Variants in BPNT2 observed in about 807,000 individuals in gnomAD.
BPNT2 encodes the protein Golgi-resident adenosine 3',5'-bisphosphate 3'-phosphatase.
Under a neutral mutation model 29.3 loss-of-function variants are expected in BPNT2, and 11 were observed. The ratio of observed to expected loss-of-function variants is 0.38; its 90% CI spans 0.24 to 0.62. The LOEUF (loss-of-function observed/expected upper bound fraction) is 0.62, where lower values mean the gene tolerates loss of function less well. Ranked by LOEUF, BPNT2 falls within the 20% of genes least tolerant of loss-of-function variation. The pLI is 0.62. For synonymous variants in BPNT2, 195 were observed against 187.7 expected (o/e 1.04, Z -0.32); for missense variants, 459 against 473.4 (o/e 0.97, Z 0.28).
At chr8:56,979,909 T>C in intron 2 of BPNT2, 126 bp downstream of exon 2, 1 of 832,568 alleles carries the variant, frequency 1.2e-6, no homozygotes, top group Admixed American at 2.0e-5. Context: ...ATTTTGCTAC[T>C]ACTGTTAAAA....
intron 3 of BPNT2, among the ~76,000 whole-genome samples, chr8:56,975,351 T>C (rs563347116): frequency 1.4e-4 from 21 of 152,318 alleles, no homozygotes; most frequent in Admixed American, 1.2e-3. Flanking sequence ...AGATTTACAC[T>C]GTGTGTAGCT....
At chr8:56,978,206 A>G (rs1806178160) in intron 2 of BPNT2, 61 bp from the exon 3 acceptor site, 1 of 1,028,094 alleles carries the variant, frequency 9.7e-7, no homozygotes, top group Admixed American at 1.7e-5. Flanking sequence ...TAAATTCAAG[A>G]TACAATATTA....
At chr8:56,974,753 T>G (rs1806104759) in intron 3 of BPNT2, among the ~76,000 whole-genome samples, 1 of 152,202 alleles carries the variant, frequency 6.6e-6, no homozygotes, top group Non-Finnish European at 1.5e-5. Context: ...AAAGACATTT[T>G]TAGAAACCAC....
chr8:56,967,687 A>T (rs780848161), intron 3 of BPNT2, among the ~76,000 whole-genome samples: 15 of 152,088 alleles, frequency 9.9e-5, no homozygotes, highest in Non-Finnish European at 1.8e-4. Context: ...TCTTGAGAAC[A>T]CCCTGGTGGC....
intron 4 of BPNT2, chr8:56,964,542 C>G (rs1173911080): frequency 6.4e-6 from 1 of 156,006 alleles, no homozygotes; most frequent in Non-Finnish European, 1.4e-5. Flanking sequence ...GCCTCGTGAT[C>G]TGCCTGCCTT....
intron 4 of BPNT2, among the ~76,000 whole-genome samples, 158 bp downstream of exon 4, chr8:56,966,033 C>T (rs555339536): frequency 6.6e-6 from 1 of 152,248 alleles, no homozygotes; most frequent in African/African-American, 2.4e-5. Flanking sequence ...ACTAAAATCC[C>T]ACCCTCGAGG....
At chr8:56,971,049 C>CATAAT (rs1806022324) in intron 3 of BPNT2, among the ~76,000 whole-genome samples, 2 of 152,038 alleles carry the variant, frequency 1.3e-5, no homozygotes, top group Admixed American at 1.3e-4. Flanking sequence ...GTACATACTA[C>CATAAT]CAGAATAATG....
chr8:56,974,770 C>T (rs1806104982), intron 3 of BPNT2, among the ~76,000 whole-genome samples: 1 of 151,998 alleles, frequency 6.6e-6, no homozygotes, highest in African/African-American at 2.4e-5. Context: ...CCACTTTTTG[C>T]TAAGTTAGGG....
At chr8:56,992,356 A>G (rs192800696) in intron 1 of BPNT2, among the ~76,000 whole-genome samples, 14 of 152,264 alleles carry the variant, frequency 9.2e-5, no homozygotes, top group Non-Finnish European at 1.5e-5. Context: ...TTCCTCAACA[A>G]AATTTGCAGT....
At chr8:56,987,148 G>A (rs1464458346) in intron 1 of BPNT2, among the ~76,000 whole-genome samples, 2 of 152,164 alleles carry the variant, frequency 1.3e-5, no homozygotes, top group Non-Finnish European at 2.9e-5. Flanking sequence ...GGGGTTTGAA[G>A]GGACTTCTGG....
chr8:56,967,332 A>G, intron 3 of BPNT2: 1 of 437,698 alleles, frequency 2.3e-6, no homozygotes, highest in Non-Finnish European at 4.6e-6. Context: ...ATACACAGCA[A>G]CAAGAAGAAC....
chr8:56,972,877 C>T (rs1368560382), intron 3 of BPNT2, among the ~76,000 whole-genome samples: 1 of 151,430 alleles, frequency 6.6e-6, no homozygotes, highest in African/African-American at 2.4e-5. Context: ...AAAAAAGGGG[C>T]CACAAAATAC....
intron 3 of BPNT2, among the ~76,000 whole-genome samples, chr8:56,968,940 A>G (rs909889444): frequency 1.3e-5 from 2 of 152,198 alleles, no homozygotes; most frequent in African/African-American, 4.8e-5. Context: ...ATCTAATGAC[A>G]GGTGAGCTCT....
intron 1 of BPNT2, 73 bp from the exon 2 acceptor site, chr8:56,980,270 T>C (rs1204921373): frequency 4.1e-6 from 5 of 1,219,026 alleles, no homozygotes; most frequent in Non-Finnish European, 6.1e-6. Flanking sequence ...CAAAAGTATT[T>C]CAGACAACAA....
chr8:56,993,830 G>T lies in BPNT2; in HGVS notation c.-245C>A. On this transcript the variant is annotated 5_prime_UTR_variant, in exon 1 of 5. Coordinates refer to ENST00000262644, the MANE Select transcript of BPNT2 (RefSeq NM_017813.5). ...GCGCTCTAGGTTCTTCCGCCGGCCG[G>T]CTGGTCCGACTTCCACGTTAGCCTA... 3.1e-6 allele frequency: 1 copy of T among 318,098 alleles called. No homozygotes were observed. Among genetic ancestry groups the T allele is most frequent in the Non-Finnish European group, 4.6e-6 (1 of 218,694 alleles). 19.7% of individuals were successfully genotyped at this position (318,098 alleles called of 1,614,324 possible). A position where few individuals can be genotyped will look rare whatever the true frequency, so the allele number is the denominator to read the frequency against.
At chr8:56,990,700 G>T (rs893956915) in intron 1 of BPNT2, among the ~76,000 whole-genome samples, 11 of 152,096 alleles carry the variant, frequency 7.2e-5, no homozygotes, top group African/African-American at 2.7e-4. Flanking sequence ...GATGCCAGTA[G>T]CATCCCACCC....
At chr8:56,983,267 G>GT (rs1223821095) in intron 1 of BPNT2, among the ~76,000 whole-genome samples, 2 of 152,150 alleles carry the variant, frequency 1.3e-5, no homozygotes, top group Non-Finnish European at 2.9e-5. Flanking sequence ...AAAAAGTAAT[G>GT]TAGCTAGAGA....
In BPNT2 at chr8:56,964,294, T is replaced by TTTTA. The variant is rs1274574941; in HGVS notation, c.809-234_809-231dup. ...CATTGCAAAGTAACTTATTGTTTATTTTTATTTATTTATTTATTTTTTGAG... is the reference window on the plus strand; with the variant it reads ...CATTGCAAAGTAACTTATTGTTTATTTTTATTTATTTATTTATTTATTTTTTGAG... On this transcript the variant is annotated intron_variant, in intron 4 of 4. Coordinates refer to ENST00000262644, the MANE Select transcript of BPNT2 (RefSeq NM_017813.5). 14 of 403,094 alleles carry TTTTA rather than the reference T, an allele frequency of 3.5e-5. No individual in the cohort carries two copies. The South Asian group carries it at 3.9e-4, about 11-fold the overall frequency. 25.0% of individuals were successfully genotyped at this position (403,094 alleles called of 1,614,324 possible). A position where few individuals can be genotyped will look rare whatever the true frequency, so the allele number is the denominator to read the frequency against.
In BPNT2 at chr8:56,980,751, T is replaced by G. The variant is rs528281359; in HGVS notation, c.388-554A>C. Among the ~76,000 whole-genome samples the G allele has an allele frequency of 1.8e-3, 273 of 149,974 alleles. 2 individuals are homozygous for G. The highest frequency in any genetic ancestry group is 6.4e-3 in the African/African-American group (261 of 40,744). ...AGTAGAGGAAGGGTTGTTACGAGAA[T>G]AGAGGAATATATTCTCTCCTTAAGG... On this transcript the variant is annotated intron_variant, in intron 1 of 4. Transcript: ENST00000262644.
Sources: gnomAD v4.1 joint callset for allele counts (sites outside exome capture counted in the v4.1 genomes callset) on GRCh38, gnomAD v4.1.1 for gene constraint, MANE v1.5 for transcripts, NCBI Gene and HGNC (gene_info 2026-07-23, HGNC 2026-07-21) for gene names.